Variants in SAFB2 observed in about 807,000 individuals in gnomAD.
SAFB2 encodes scaffold attachment factor B2.
Under a neutral mutation model 100.6 loss-of-function variants are expected in SAFB2, and 32 were observed. The observed-to-expected ratio is 0.32, with a 90% CI of 0.24 to 0.43. The LOEUF (loss-of-function observed/expected upper bound fraction) is 0.43. Among genes scored for constraint, SAFB2 ranks in the 20% least tolerant of loss-of-function variants. The pLI is 1.00. For missense variants in SAFB2, 1,185 were observed against 1,163.4 expected (o/e 1.02, Z -0.27); for synonymous variants, 500 against 439.4 (o/e 1.14, Z -1.72).
Position 5,593,891 on chromosome 19 carries a change from C to T in SAFB2, c.2207G>A (p.Arg736Gln), listed in dbSNP as rs2052472737. The change falls in exon 15 of 21, where the codon CGA becomes CAA. Residue 736 changes from arginine to glutamine, a missense_variant and splice_region_variant. Physicochemically the swap from Arg to Gln is conservative, Grantham distance 43. This residue lies in a region of SAFB2 where 740 missense variants were observed against 687.1 expected (regional missense o/e 1.08). Coordinates refer to ENST00000252542, the MANE Select transcript of SAFB2 (RefSeq NM_014649.3). ...RPGRRPYDLD[R>Q]RDDAYWPEGK... is the part of the protein sequence containing the mutation. ...TGCCCACGCTCTGGGCGGGACTCAC[C>T]GGTCCAGGTCGTAGGGCCTCCGCCC... 7 of 1,493,208 alleles carry T rather than the reference C, an allele frequency of 4.7e-6. No individual in the cohort carries two copies. The highest frequency in any genetic ancestry group is 6.2e-6 in the Non-Finnish European group (7 of 1,132,116). 92.5% of individuals were successfully genotyped at this position (1,493,208 alleles called of 1,614,324 possible).
intron 9 of SAFB2, among the ~76,000 whole-genome samples, chr19:5,609,229 G>T (rs917346362): frequency 6.6e-6 from 1 of 150,874 alleles, no homozygotes; most frequent in Non-Finnish European, 1.5e-5. Flanking sequence ...TTTGAACCAC[G>T]ATCATGTTCT....
intron 4 of SAFB2, 83 bp downstream of exon 4, chr19:5,616,049 T>C (rs759550837): frequency 3.9e-6 from 5 of 1,280,392 alleles, no homozygotes; most frequent in Non-Finnish European, 3.4e-6. Context: ...GGTTTAGCTG[T>C]GTTCTCCCTC....
At position 5,600,371 on chromosome 19, in the gene SAFB2, C is replaced by G; in HGVS notation, c.1560-111G>C. On this transcript the variant is annotated intron_variant, in intron 11 of 20. Coordinates refer to ENST00000252542, the MANE Select transcript of SAFB2 (RefSeq NM_014649.3). ...CAGACGTCCACACAAAACAAATCAC[C>G]CCGGCAGCAATTAGGTGGGAAAAAT... 2.1e-6 allele frequency: 3 copies of G among 1,428,956 alleles called. No homozygotes were observed. In the Admixed American group the frequency reaches 7.3e-5, roughly 35 times the overall value. 88.5% of individuals were successfully genotyped at this position (1,428,956 alleles called of 1,614,324 possible).
rs2052516215 is a variant in SAFB2 at position 5,595,442 on chromosome 19, G to A, written c.1838C>T (p.Ser613Leu). 4 of 1,613,660 alleles carry A rather than the reference G, an allele frequency of 2.5e-6. No individual in the cohort carries two copies. Among genetic ancestry groups the A allele is most frequent in the African/African-American group, 1.3e-5 (1 of 74,916 alleles). The change falls in exon 14 of 21, where the codon TCG becomes TTG. Residue 613 changes from serine (S) to leucine (L), a missense_variant. This residue lies in a region of SAFB2 where 740 missense variants were observed against 687.1 expected (regional missense o/e 1.08). Coordinates refer to ENST00000252542, the MANE Select transcript of SAFB2 (RefSeq NM_014649.3). ...CCTTTGTTCTTTGATTTTATCAAAC[G>A]ACAAGATGTCTCTCTTTTCTTTGCT... ...SESKEKRDIL[S>L]FDKIKEQRER...
intron 13 of SAFB2, among the ~76,000 whole-genome samples, chr19:5,597,151 C>T (rs1426073619): frequency 2.6e-5 from 4 of 152,158 alleles, no homozygotes; most frequent in East Asian, 1.9e-4. Flanking sequence ...AGTGTCAGCA[C>T]GGGACTCCTG....
rs571023495 is a variant in SAFB2, at chr19:5,612,769, C to T, written c.607-202G>A. Among the ~76,000 whole-genome samples, 4 of 152,286 alleles carry T rather than the reference C, an allele frequency of 2.6e-5. No individual in the cohort carries two copies. In the East Asian group the frequency reaches 7.7e-4, roughly 29 times the overall value. ...ACAGTTTCCCTGGTAACAGCAGGTCCCTAGTGATAACAGTCTGTCCCATTC... is the reference window on the plus strand; with the variant it reads ...ACAGTTTCCCTGGTAACAGCAGGTCTCTAGTGATAACAGTCTGTCCCATTC... On this transcript the variant is annotated intron_variant, in intron 5 of 20. Transcript: ENST00000252542.
intron 17 of SAFB2, 89 bp from the exon 18 acceptor site, chr19:5,590,497 G>C (rs373665200): frequency 7.1e-7 from 1 of 1,413,488 alleles, no homozygotes; most frequent in Non-Finnish European, 9.4e-7. Flanking sequence ...CAGGCCCCAG[G>C]GTGGCAGGTG....
At chr19:5,594,936 G>C (rs1302615931) in intron 14 of SAFB2, among the ~76,000 whole-genome samples, 1 of 152,172 alleles carries the variant, frequency 6.6e-6, no homozygotes, top group Non-Finnish European at 1.5e-5. Context: ...GCAGCCTTGA[G>C]CTTCTGGGCT....
At chr19:5,592,190 C>G (rs1325398123) in intron 16 of SAFB2, among the ~76,000 whole-genome samples, 1 of 152,140 alleles carries the variant, frequency 6.6e-6, no homozygotes, top group Non-Finnish European at 1.5e-5. Context: ...CTGTTCTCCC[C>G]GCTCTGACAT....
At chr19:5,591,525 A>T in intron 17 of SAFB2, 1 of 496,758 alleles carries the variant, frequency 2.0e-6, no homozygotes, top group Non-Finnish European at 3.6e-6. Flanking sequence ...TGATCCACCC[A>T]CCTCAGCTTC....
Position 5,598,879 on chromosome 19 carries a change from T to C in SAFB2, c.1696A>G (p.Arg566Gly), listed in dbSNP as rs778903171. ...ATCACGACCGTCCGCTCCATTCCTCTGCTTCCTTCAGGAAAAAACACAACA... is the reference window on the plus strand; with the variant it reads ...ATCACGACCGTCCGCTCCATTCCTCCGCTTCCTTCAGGAAAAAACACAACA... ...NRSRVTKSGS[R>G]GMERTVVMDK... is the part of the protein sequence containing the mutation. Residue 566 changes from arginine (R) to glycine (G), a missense_variant, in exon 13 of 21, where the codon AGA (arginine) becomes GGA (glycine). Arg to Gly is a moderately radical substitution (Grantham distance 125). Coordinates refer to ENST00000252542, the MANE Select transcript of SAFB2 (RefSeq NM_014649.3). 1 of 1,614,086 alleles carries C rather than the reference T, an allele frequency of 6.2e-7. No homozygotes were observed. The highest frequency in any genetic ancestry group is 1.7e-5 in the Admixed American group (1 of 60,018).
chr19:5,621,578 T>C (rs1459846929), intron 1 of SAFB2, among the ~76,000 whole-genome samples, 182 bp from the exon 2 acceptor site: 2 of 152,236 alleles, frequency 1.3e-5, no homozygotes, highest in Non-Finnish European at 2.9e-5. Context: ...CTTGGGTCTC[T>C]CTGGGTCCAA....
chr19:5,602,865 G>C (rs2052692588), intron 11 of SAFB2, among the ~76,000 whole-genome samples: 1 of 152,132 alleles, frequency 6.6e-6, no homozygotes, highest in Non-Finnish European at 1.5e-5. Context: ...ATGCTGATGG[G>C]ATGTGTCTTT....
At position 5,604,910 on chromosome 19, in the gene SAFB2, G is replaced by A. The variant is rs368451259; in HGVS notation, c.1323C>T (p.Asn441=). The part of the protein sequence containing the change: ...GKVVGAKVVT[N]ARSPGARCYG... ...AGCATCGAGCCCCCGGGCTGCGGGCGTTCGTTACCACTTTGGCCCCGACAA... is the reference window on the plus strand; with the variant it reads ...AGCATCGAGCCCCCGGGCTGCGGGCATTCGTTACCACTTTGGCCCCGACAA... Residue 441 remains asparagine (N), a synonymous_variant, in exon 10 of 21, where the codon AAC becomes AAT. Transcript: ENST00000252542. 2.0e-5 allele frequency: 32 copies of A among 1,613,372 alleles called. No homozygotes were observed. In the Admixed American group the frequency reaches 2.0e-4, roughly 10 times the overall value.
rs1440583088 is a variant in SAFB2, at chr19:5,594,002, CTGCGCTCACGCTCCACGCGCA to C, written c.2075_2095del (p.Met692_Arg698del). 3.8e-6 allele frequency: 6 copies of C among 1,561,402 alleles called. No homozygotes were observed. The African/African-American group carries it at 4.1e-5, about 11-fold the overall frequency. ...GCGGTGGATGCGCTCCTGCTCCTTC[CTGCGCTCACGCTCCACGCGCA>C]TGCGCTCGCGCTCCAGCCGCTCCCG... On this transcript the variant is annotated inframe_deletion, in exon 15 of 21. Transcript: ENST00000252542.
intron 15 of SAFB2, among the ~76,000 whole-genome samples, chr19:5,593,291 A>G (rs1329361087): frequency 1.3e-5 from 2 of 152,246 alleles, no homozygotes; most frequent in African/African-American, 2.4e-5. Context: ...TTGCAAAAGC[A>G]AAGAGAATTA....
intron 5 of SAFB2, 117 bp downstream of exon 5, chr19:5,613,348 C>G (rs946883791): frequency 1.1e-6 from 1 of 928,434 alleles, no homozygotes; most frequent in African/African-American, 1.7e-5. Flanking sequence ...ACCTCTTAAC[C>G]CCAGCATCCA....
chr19:5,615,930 T>G (rs1345754743), intron 4 of SAFB2, among the ~76,000 whole-genome samples: 1 of 152,164 alleles, frequency 6.6e-6, no homozygotes, highest in Admixed American at 6.5e-5. Context: ...ATAAAAACAC[T>G]CCCCAGTGCT....
In SAFB2 at chr19:5,590,335, C is replaced by G; in HGVS notation, c.2468G>C (p.Gly823Ala). 17 of 1,610,374 alleles carry G rather than the reference C, an allele frequency of 1.1e-5. No individual in the cohort carries two copies. The highest frequency in any genetic ancestry group is 1.7e-4 in the Middle Eastern group (1 of 6,054). Residue 823 changes from glycine (G) to alanine (A), a missense_variant, in exon 18 of 21, where the codon GGG becomes GCG. By Grantham distance (60) the Gly-to-Ala change is moderately conservative. Around this residue, in one of 3 missense-constraint regions of SAFB2, gnomAD observed 740 missense variants for 687.1 expected, o/e 1.08. Transcript: ENST00000252542. ...RHGRDSRDGW[G>A]GYGSDKRLSE... The stretch of plus-strand genomic sequence containing the variant: ...CAGCCTCTTGTCGGAGCCGTAGCCC[C>G]CCCAGCCATCACGGGAGTCCCGGCC...
Sources: gnomAD v4.1 joint callset for allele counts (sites outside exome capture counted in the v4.1 genomes callset) on GRCh38, gnomAD v4.1.1 for gene constraint, gnomAD v4.1.1 regional missense constraint, MANE v1.5 for transcripts, NCBI Gene and HGNC (gene_info 2026-07-23, HGNC 2026-07-21) for gene names.